Variants in PHF3 observed in about 807,000 individuals in gnomAD.
PHF3 encodes PHD finger protein 3.
In PHF3, 41 loss-of-function variants were observed where a neutral mutation model predicts 178.4. That is an observed-to-expected ratio of 0.23 (90% CI 0.18 to 0.30). PHF3 has a LOEUF of 0.30. PHF3 is among the 10% of genes least tolerant of loss of function. PHF3 has a pLI of 1.00. For synonymous variants in PHF3, 842 were observed against 800.5 expected (o/e 1.05, Z -0.88); for missense variants, 2,346 against 2,398.1 (o/e 0.98, Z 0.45).
chr6:63,638,551 C>T (rs909324974), intron 1 of PHF3, among the ~76,000 whole-genome samples: 4 of 151,932 alleles, frequency 2.6e-5, no homozygotes, highest in Admixed American at 2.0e-4. Context: ...ATTTTTTGGT[C>T]AACATTTAGG....
At chr6:63,686,765 T>C (rs1766724787) in intron 4 of PHF3, among the ~76,000 whole-genome samples, 1 of 152,210 alleles carries the variant, frequency 6.6e-6, no homozygotes, top group Non-Finnish European at 1.5e-5. Flanking sequence ...AATTTGTATA[T>C]TATATTCTTC....
chr6:63,694,805 A>T, intron 6 of PHF3, 41 bp downstream of exon 6: 1 of 1,077,942 alleles, frequency 9.3e-7, no homozygotes, highest in East Asian at 3.2e-5. Flanking sequence ...TAATATATTT[A>T]TATCTTATTT....
rs370254490 is a variant in PHF3, at chr6:63,711,366, G to C, written c.3997+4G>C. ...CTTGTGCCTTTTGATGGACCTGGTA[G>C]GTATACGTTTTAATAATAGGATAAG... On this transcript the variant is annotated splice_donor_region_variant and intron_variant, in intron 15 of 15. Transcript: ENST00000262043. 94 of 1,591,450 alleles carry C rather than the reference G, an allele frequency of 5.9e-5. No homozygotes were observed. The highest frequency in any genetic ancestry group is 7.5e-5 in the Non-Finnish European group (88 of 1,168,060).
At chr6:63,703,923 A>C (rs1012380541) in intron 11 of PHF3, among the ~76,000 whole-genome samples, 1 of 152,200 alleles carries the variant, frequency 6.6e-6, no homozygotes, top group Non-Finnish European at 1.5e-5. Flanking sequence ...GCTGGAGTCA[A>C]ATGACAAGAA....
At chr6:63,695,910 A>G (rs1290503828) in intron 6 of PHF3, among the ~76,000 whole-genome samples, 2 of 152,206 alleles carry the variant, frequency 1.3e-5, no homozygotes, top group African/African-American at 4.8e-5. Context: ...CCTATTAGAC[A>G]TCGAGATGGA....
chr6:63,684,099 A>G, intron 3 of PHF3, 30 bp from the exon 4 acceptor site: 2 of 1,472,010 alleles, frequency 1.4e-6, no homozygotes, highest in Non-Finnish European at 1.8e-6. Context: ...ATAGCTAAGT[A>G]TTTTTATTTA....
intron 2 of PHF3, among the ~76,000 whole-genome samples, chr6:63,662,788 C>T (rs1056039966): frequency 6.6e-6 from 1 of 152,170 alleles, no homozygotes; most frequent in Non-Finnish European, 1.5e-5. Context: ...GGAATGATTA[C>T]ATGGAAGTTT....
Position 63,713,875 on chromosome 6 carries a change from T to C in PHF3, c.*167T>C. The C allele has an allele frequency of 5.1e-5, 25 of 490,956 alleles. No homozygotes were observed. Among genetic ancestry groups the C allele is most frequent in the South Asian group, 2.4e-4 (5 of 20,956 alleles). 30.4% of individuals were successfully genotyped at this position (490,956 alleles called of 1,614,324 possible). A position where few individuals can be genotyped will look rare whatever the true frequency, so the allele number is the denominator to read the frequency against. The stretch of plus-strand genomic sequence containing the variant: ...GTTGGTACAGAGTGCTCTGTACCAG[T>C]GCTCATCATCCCTTCTTCATACCAA... On this transcript the variant is annotated 3_prime_UTR_variant, in exon 16 of 16. Coordinates refer to ENST00000262043, the MANE Select transcript of PHF3 (RefSeq NM_001370348.2).
chr6:63,642,506 G>A (rs1717569439), intron 1 of PHF3, among the ~76,000 whole-genome samples: 1 of 152,138 alleles, frequency 6.6e-6, no homozygotes, highest in South Asian at 2.1e-4. Context: ...TTTGAATTAT[G>A]CAGATTATTC....
At chr6:63,703,712 T>G in intron 11 of PHF3, 41 bp downstream of exon 11, 1 of 1,572,080 alleles carries the variant, frequency 6.4e-7, no homozygotes. Context: ...GCATTCATTA[T>G]GAAAGAAGGA....
chr6:63,641,521 G>GGTGTGTGT (rs1237880994), intron 1 of PHF3, among the ~76,000 whole-genome samples: 4 of 128,312 alleles, frequency 3.1e-5, no homozygotes, highest in African/African-American at 9.6e-5. Flanking sequence ...TTTATTGTTA[G>GGTGTGTGT]GTGTGTATGT....
chr6:63,660,030 TTTTG>T (rs750111377), intron 2 of PHF3, among the ~76,000 whole-genome samples: 1 of 152,058 alleles, frequency 6.6e-6, no homozygotes, highest in African/African-American at 2.4e-5. Context: ...TAGGATGTTA[TTTTG>T]TTTTTGTGTG....
At chr6:63,663,128 A>AT (rs1198761324) in intron 2 of PHF3, among the ~76,000 whole-genome samples, 1 of 152,108 alleles carries the variant, frequency 6.6e-6, no homozygotes, top group African/African-American at 2.4e-5. Context: ...ATAATTACTA[A>AT]TTTTTTTCTG....
rs768894807 is a variant in PHF3 at position 63,711,219 on chromosome 6, A to G, written c.3854A>G (p.Tyr1285Cys). The change falls in exon 15 of 16, where the codon TAT becomes TGT. Residue 1285 changes from tyrosine to cysteine, a missense_variant. Physicochemically the swap from Tyr to Cys is radical, Grantham distance 194. Coordinates refer to ENST00000262043, the MANE Select transcript of PHF3 (RefSeq NM_001370348.2). ...TPVTEEDQIS[Y>C]TLLFAYFSSR... ...GTAACTGAAGAAGATCAAATTTCTT[A>G]TACTTTGCTCTTTGCATACTTCAGT... 6.2e-7 allele frequency: 1 copy of G among 1,611,868 alleles called. No individual in the cohort carries two copies. Among genetic ancestry groups the G allele is most frequent in the Non-Finnish European group, 8.5e-7 (1 of 1,179,194 alleles).
chr6:63,638,318 A>G (rs1454978106), intron 1 of PHF3, among the ~76,000 whole-genome samples: 1 of 152,158 alleles, frequency 6.6e-6, no homozygotes, highest in Non-Finnish European at 1.5e-5. Context: ...TTTTCATAGT[A>G]TAAGGCCTAC....
chr6:63,668,716 T>A (rs911110895), intron 2 of PHF3, among the ~76,000 whole-genome samples: 4 of 152,186 alleles, frequency 2.6e-5, no homozygotes, highest in African/African-American at 9.7e-5. Context: ...TTCCTTAAGA[T>A]GCTCAAATTT....
At chr6:63,706,708 C>T (rs1278472610) in intron 12 of PHF3, 21 bp from the exon 13 acceptor site, 1 of 1,609,628 alleles carries the variant, frequency 6.2e-7, no homozygotes, top group Non-Finnish European at 8.5e-7. Flanking sequence ...TGTCTTTAGG[C>T]TTTTTAATGT....
At chr6:63,672,799 A>G (rs1355680374) in intron 2 of PHF3, among the ~76,000 whole-genome samples, 7 of 152,204 alleles carry the variant, frequency 4.6e-5, no homozygotes, top group Non-Finnish European at 1.0e-4. Context: ...GTATTGGTCA[A>G]TCCCAGCCGC....
At chr6:63,693,882 G>A (rs1429958962) in intron 5 of PHF3, among the ~76,000 whole-genome samples, 2 of 152,180 alleles carry the variant, frequency 1.3e-5, no homozygotes, top group African/African-American at 2.4e-5. Flanking sequence ...ATAGCACTAC[G>A]TGCCTTGGGT....
Sources: gnomAD v4.1 joint callset for allele counts (sites outside exome capture counted in the v4.1 genomes callset) on GRCh38, gnomAD v4.1.1 for gene constraint, MANE v1.5 for transcripts, NCBI Gene and HGNC (gene_info 2026-07-23, HGNC 2026-07-21) for gene names.